ACAT1: variants seen among roughly 807,000 people sequenced by gnomAD.
The protein encoded by ACAT1 is acetyl-CoA acetyltransferase, mitochondrial.
Under a neutral mutation model 47.3 loss-of-function variants are expected in ACAT1, and 28 were observed. The observed-to-expected ratio is 0.59, with a 90% CI of 0.44 to 0.81. ACAT1 has a LOEUF of 0.81. ACAT1 is among the 30% of genes least tolerant of loss of function. ACAT1 has a pLI of 0.00. For synonymous variants in ACAT1, 181 were observed against 173.6 expected (o/e 1.04, Z -0.34); for missense variants, 469 against 524.3 (o/e 0.89, Z 1.03).
intron 10 of ACAT1, 122 bp downstream of exon 10, chr11:108,144,169 T>C: frequency 1.9e-6 from 2 of 1,045,324 alleles, no homozygotes; most frequent in East Asian, 2.4e-5. Context: ...TGGTTTCAAA[T>C]CTTCCCATGT....
At chr11:108,141,004 T>C (rs971628398) in intron 7 of ACAT1, among the ~76,000 whole-genome samples, 3 of 151,966 alleles carry the variant, frequency 2.0e-5, no homozygotes, top group African/African-American at 7.3e-5. Flanking sequence ...GGTGGGAGGA[T>C]TGCTTGAGCC....
At chr11:108,138,852 C>T (rs748857554) in intron 5 of ACAT1, 46 bp from the exon 6 acceptor site, 1 of 1,613,662 alleles carries the variant, frequency 6.2e-7, no homozygotes, top group Non-Finnish European at 8.5e-7. Flanking sequence ...CATGGGTTTG[C>T]AAAATATTTG....
intron 1 of ACAT1, 171 bp downstream of exon 1, chr11:108,121,849 C>CTTA (rs1305897278): frequency 1.5e-6 from 1 of 651,998 alleles, no homozygotes; most frequent in East Asian, 2.8e-5. Flanking sequence ...GCTCCGATAA[C>CTTA]ACCCAGGGAC....
intron 5 of ACAT1, 90 bp downstream of exon 5, chr11:108,135,332 T>A: frequency 1.1e-6 from 1 of 936,836 alleles, no homozygotes; most frequent in Non-Finnish European, 1.7e-6. Context: ...ATTTTAGAAA[T>A]GAGATTCTTT....
In ACAT1 at chr11:108,147,184, T is replaced by A. The variant is rs866825341; in HGVS notation, c.1164-86T>A. The A allele has an allele frequency of 8.5e-5, 129 of 1,520,776 alleles. 3 individuals are homozygous for A. In the South Asian group the frequency reaches 1.4e-3, roughly 16 times the overall value. The allele number at this position is 1,520,776 out of a possible 1,614,324, so 94.2% of individuals were successfully genotyped here. A position where few individuals can be genotyped will look rare whatever the true frequency, so the allele number is the denominator to read the frequency against. On this transcript the variant is annotated intron_variant, in intron 11 of 11. Coordinates refer to ENST00000265838, the MANE Select transcript of ACAT1 (RefSeq NM_000019.4). ...CAAGTAGTAGTGGCTAGTAAGGTTTTCAAGAAGTTAAATTGGAATAGAAAC... is the reference window on the plus strand; with the variant it reads ...CAAGTAGTAGTGGCTAGTAAGGTTTACAAGAAGTTAAATTGGAATAGAAAC...
intron 11 of ACAT1, among the ~76,000 whole-genome samples, chr11:108,146,573 A>G (rs1411834182): frequency 1.3e-5 from 2 of 152,184 alleles, no homozygotes; most frequent in African/African-American, 4.8e-5. Context: ...GCTGAAGAAG[A>G]AAAAGTGTAC....
intron 1 of ACAT1, chr11:108,129,103 C>T (rs1018444221): frequency 4.6e-5 from 7 of 152,128 alleles, no homozygotes; most frequent in African/African-American, 1.7e-4. Context: ...GTCCTCATAG[C>T]GCAGCTCCCA....
At chr11:108,119,368 T>A (rs2135277738), upstream of ACAT1, among the ~76,000 whole-genome samples, 1 of 152,264 alleles carries the variant, frequency 6.6e-6, no homozygotes, top group Admixed American at 6.5e-5. Flanking sequence ...CATGCCCAGC[T>A]AATTTTTGTA....
chr11:108,142,101 G>A (rs926759036), intron 8 of ACAT1, among the ~76,000 whole-genome samples: 1 of 152,160 alleles, frequency 6.6e-6, no homozygotes, highest in Admixed American at 6.6e-5. Context: ...AAAATATGTA[G>A]TGAGTACCTG....
chr11:108,142,419 C>A lies in ACAT1; in HGVS notation c.827-18C>A. 1.3e-6 allele frequency: 2 copies of A among 1,595,596 alleles called. No individual in the cohort carries two copies. ...TTGTGAAGGAATGTTTTGACTTCAA[C>A]CTCATTTTTGCTTTCAGGCACAGTA... On this transcript the variant is annotated intron_variant, in intron 8 of 11. Transcript: ENST00000265838.
chr11:108,134,159 G>A, intron 3 of ACAT1, 62 bp from the exon 4 acceptor site: 8 of 1,430,998 alleles, frequency 5.6e-6, no homozygotes, highest in Non-Finnish European at 5.9e-6. Context: ...TACCTTATTA[G>A]GTAATCACTG....
chr11:108,122,885 TAA>T (rs11323289), intron 1 of ACAT1, among the ~76,000 whole-genome samples: 1 of 146,966 alleles, frequency 6.8e-6, no homozygotes, highest in African/African-American at 2.5e-5. Flanking sequence ...TCTAGAGATG[TAA>T]AAAAAAAAAG....
chr11:108,147,053 C>T (rs1267344555), intron 11 of ACAT1, among the ~76,000 whole-genome samples: 2 of 152,302 alleles, frequency 1.3e-5, no homozygotes, highest in Non-Finnish European at 2.9e-5. Context: ...GCACTCCAGC[C>T]TGGCGACAGA....
rs746048371 is a variant in ACAT1, at chr11:108,131,899, T to C, written c.73-8T>C. 1.6e-6 allele frequency: 2 copies of C among 1,276,084 alleles called. No homozygotes were observed. The highest frequency in any genetic ancestry group is 2.8e-5 in the South Asian group (2 of 71,238). 79.0% of individuals were successfully genotyped at this position (1,276,084 alleles called of 1,614,324 possible). A position where few individuals can be genotyped will look rare whatever the true frequency, so the allele number is the denominator to read the frequency against. The stretch of plus-strand genomic sequence containing the variant: ...TACATTATAACATTATAAATATTTA[T>C]ATTACAGGAAATAAGATATGTGGAA... On this transcript the variant is annotated splice_region_variant and splice_polypyrimidine_tract_variant and intron_variant, in intron 1 of 11. Transcript: ENST00000265838.
chr11:108,145,199 C>T (rs1263577250), intron 10 of ACAT1, among the ~76,000 whole-genome samples: 1 of 152,146 alleles, frequency 6.6e-6, no homozygotes, highest in Admixed American at 6.5e-5. Context: ...AGCTGAGGAA[C>T]TACCAAAACA....
rs1280743386 is a variant in ACAT1, at chr11:108,146,290, A to G, written c.1094A>G (p.Lys365Arg). Reference protein sequence around the residue: ...AFSLVVLANIKMLEIDPQKVN... With the variant: ...AFSLVVLANIRMLEIDPQKVN... ...AGTCTGGTTGTACTAGCAAACATTA[A>G]AATGTTGGAGATTGATCCCCAAAAA... Residue 365 changes from lysine to arginine, a missense_variant, in exon 11 of 12, where the codon AAA (lysine) becomes AGA (arginine). Transcript: ENST00000265838. 3.7e-6 allele frequency: 6 copies of G among 1,613,924 alleles called. No homozygotes were observed. In the East Asian group the frequency reaches 1.3e-4, roughly 36 times the overall value.
chr11:108,137,822 C>T (rs1294579055), intron 5 of ACAT1, among the ~76,000 whole-genome samples: 1 of 151,978 alleles, frequency 6.6e-6, no homozygotes, highest in African/African-American at 2.4e-5. Context: ...TGGTGCATGC[C>T]TGTAGTCCCA....
chr11:108,133,701 A>G (rs2077405308), intron 2 of ACAT1, 119 bp from the exon 3 acceptor site: 5 of 807,498 alleles, frequency 6.2e-6, no homozygotes, highest in Non-Finnish European at 1.0e-5. Flanking sequence ...TCAACTATTG[A>G]GATTAATTTT....
intron 10 of ACAT1, 155 bp from the exon 11 acceptor site, chr11:108,146,044 GAAA>G: frequency 6.9e-6 from 4 of 583,348 alleles, no homozygotes; most frequent in East Asian, 3.4e-5. Context: ...AAGACTGTTG[GAAA>G]AAAAAAAAAT....
Sources: allele counts gnomAD v4.1 joint callset (sites outside exome capture counted in the v4.1 genomes callset), GRCh38; gene constraint gnomAD v4.1.1; transcripts MANE v1.5; gene names NCBI Gene and HGNC (gene_info 2026-07-23, HGNC 2026-07-21).